The following XKR9 variants were observed in gnomAD, a reference collection of about 807,000 sequenced individuals.
XKR9 encodes XK related 9.
XKR9 carries 32 observed loss-of-function variants against 32.0 expected under a neutral mutation model. The observed-to-expected ratio is 1.00, with a 90% CI of 0.76 to 1.34. The LOEUF is 1.34. Ranked by LOEUF, XKR9 falls within the 40% of genes most tolerant of loss-of-function variation. The pLI, the probability that XKR9 is intolerant of heterozygous loss-of-function variation, is 0.00. For missense variants in XKR9, 546 were observed against 429.7 expected (o/e 1.27, Z -2.39); for synonymous variants, 168 against 143.4 (o/e 1.17, Z -1.22).
In XKR9 at chr8:70,772,828, C is replaced by A. The variant is rs114987126; in HGVS notation, n.353-16511C>A. On this transcript the variant is annotated intron_variant and non_coding_transcript_variant, in intron 2 of 3. Transcript: ENST00000520273. ...TTTTTAGGACTTGCCAAATGTTTGT[C>A]TTCCCAATTTTCTAGTTAGGTGTAA... Among the ~76,000 whole-genome samples, 928 of 152,206 alleles carry A rather than the reference C, an allele frequency of 6.1e-3. 10 individuals are homozygous for A. The highest frequency in any genetic ancestry group is 0.021 in the African/African-American group (885 of 41,546).
At chr8:70,763,992 A>T (rs1429595301) in intron 2 of XKR9, among the ~76,000 whole-genome samples, 1 of 152,056 alleles carries the variant, frequency 6.6e-6, no homozygotes, top group Admixed American at 6.6e-5. Flanking sequence ...ATTTACCTTG[A>T]CTCTCACTGA....
At chr8:70,843,546 G>A in the XKR9 span, among the ~76,000 whole-genome samples, 1 of 152,172 alleles carries the variant, frequency 6.6e-6, no homozygotes, top group Admixed American at 6.5e-5. Flanking sequence ...GATCTTCTAA[G>A]AGAGAGCACT....
the XKR9 span, among the ~76,000 whole-genome samples, chr8:70,885,586 G>C: frequency 1.9e-4 from 28 of 150,424 alleles, no homozygotes; most frequent in African/African-American, 5.9e-4. Context: ...TCCATGACAG[G>C]CTCTGGTGTG....
At chr8:70,854,615 G>A in the XKR9 span, among the ~76,000 whole-genome samples, 1 of 152,078 alleles carries the variant, frequency 6.6e-6, no homozygotes, top group African/African-American at 2.4e-5. Context: ...TGTCCTGAAT[G>A]GTATTGCCCA....
the XKR9 span, among the ~76,000 whole-genome samples, chr8:70,834,527 A>T: frequency 5.3e-5 from 8 of 152,128 alleles, no homozygotes; most frequent in Non-Finnish European, 1.2e-4. Flanking sequence ...ATTTTGTGCC[A>T]ATCACATTTG....
the XKR9 span, among the ~76,000 whole-genome samples, chr8:71,049,735 G>A: frequency 0.018 from 2,697 of 152,292 alleles, 39 homozygotes; most frequent in Middle Eastern, 0.051. Context: ...GAGGAGACTC[G>A]TGTGAGGTCA....
the XKR9 span, among the ~76,000 whole-genome samples, chr8:70,814,653 A>T: frequency 6.6e-6 from 1 of 152,172 alleles, no homozygotes; most frequent in African/African-American, 2.4e-5. Flanking sequence ...GAAGAAACAA[A>T]TGTGGAAAAG....
chr8:70,886,461 C>G, the XKR9 span, among the ~76,000 whole-genome samples: 1 of 152,198 alleles, frequency 6.6e-6, no homozygotes, highest in South Asian at 2.1e-4. Context: ...TGAGGAATCA[C>G]CACATGGTTT....
At chr8:70,839,165 A>G in the XKR9 span, among the ~76,000 whole-genome samples, 3 of 152,130 alleles carry the variant, frequency 2.0e-5, no homozygotes, top group Non-Finnish European at 4.4e-5. Flanking sequence ...TATTACATTC[A>G]TATGACTTGG....
chr8:70,943,719 C>G, the XKR9 span, among the ~76,000 whole-genome samples: 2 of 151,954 alleles, frequency 1.3e-5, no homozygotes, highest in South Asian at 4.1e-4. Context: ...GGGCTGGGAG[C>G]TTGGAGACTT....
the XKR9 span, among the ~76,000 whole-genome samples, chr8:71,034,392 C>T: frequency 6.6e-6 from 1 of 152,148 alleles, no homozygotes; most frequent in African/African-American, 2.4e-5. Flanking sequence ...CCTGACGCCT[C>T]CCCAGCCATG....
At chr8:70,703,845 C>T (rs1013679663) in intron 3 of XKR9, among the ~76,000 whole-genome samples, 1 of 152,026 alleles carries the variant, frequency 6.6e-6, no homozygotes, top group Admixed American at 6.6e-5. Context: ...TAAGAAAGCC[C>T]TCTCTGTTTT....
the XKR9 span, among the ~76,000 whole-genome samples, chr8:71,015,363 G>A: frequency 9.2e-5 from 14 of 152,260 alleles, no homozygotes; most frequent in African/African-American, 2.9e-4. Flanking sequence ...TTGCAAGCAC[G>A]CTCTCCCCAC....
At chr8:70,716,549 C>T (rs1806096547) in intron 4 of XKR9, among the ~76,000 whole-genome samples, 1 of 152,100 alleles carries the variant, frequency 6.6e-6, no homozygotes, top group Non-Finnish European at 1.5e-5. Context: ...ATAAAACCAT[C>T]AGATCTTGTG....
the XKR9 span, among the ~76,000 whole-genome samples, chr8:70,936,466 A>G: frequency 1.3e-5 from 2 of 152,048 alleles, no homozygotes; most frequent in African/African-American, 2.4e-5. Flanking sequence ...GTTAATTTTC[A>G]TGAACTCTCT....
At chr8:70,843,173 G>A in the XKR9 span, among the ~76,000 whole-genome samples, 44 of 152,208 alleles carry the variant, frequency 2.9e-4, 1 homozygote, top group African/African-American at 1.0e-3. Context: ...TAAAATGATT[G>A]CATGTAACCT....
the XKR9 span, among the ~76,000 whole-genome samples, chr8:70,838,379 G>T: frequency 6.6e-6 from 1 of 151,952 alleles, no homozygotes; most frequent in Non-Finnish European, 1.5e-5. Context: ...TAGTTAGGTA[G>T]GTATCATTAC....
At chr8:70,808,842 C>A in the XKR9 span, among the ~76,000 whole-genome samples, 41 of 152,342 alleles carry the variant, frequency 2.7e-4, no homozygotes, top group Non-Finnish European at 5.6e-4. Flanking sequence ...GGAGGCCTGC[C>A]TGCCTCTGTA....
At chr8:70,943,667 T>A in the XKR9 span, among the ~76,000 whole-genome samples, 1 of 152,096 alleles carries the variant, frequency 6.6e-6, no homozygotes, top group Non-Finnish European at 1.5e-5. Flanking sequence ...TAAAAGATCT[T>A]GAGGAAAGAA....
Sources: allele counts gnomAD v4.1 joint callset (sites outside exome capture counted in the v4.1 genomes callset), GRCh38; gene constraint gnomAD v4.1.1; transcripts MANE v1.5; gene names NCBI Gene and HGNC (gene_info 2026-07-23, HGNC 2026-07-21).